ERC2: variants seen among roughly 807,000 people sequenced by gnomAD.
The protein encoded by ERC2 is ELKS/RAB6-interacting/CAST family member 2.
ERC2 carries 42 observed loss-of-function variants against 114.8 expected under a neutral mutation model. The ratio of observed to expected loss-of-function variants is 0.37; its 90% CI spans 0.29 to 0.47. The LOEUF is 0.47. ERC2 is among the 20% of genes least tolerant of loss of function. The probability of loss-of-function intolerance (pLI) is 0.99; values close to 1 mark genes in which losing one functional copy is unlikely to be tolerated. For missense variants in ERC2, 939 were observed against 1,150.7 expected, an observed-to-expected ratio of 0.82 and a Z score of 2.66; for synonymous variants, 454 against 425.5, an observed-to-expected ratio of 1.07 and a Z score of -0.82.
intron 3 of ERC2, among the ~76,000 whole-genome samples, chr3:56,218,751 A>G (rs2049683980): frequency 6.6e-6 from 1 of 152,190 alleles, no homozygotes; most frequent in South Asian, 2.1e-4. Flanking sequence ...AATGTCCAAC[A>G]ATGATAGACT....
chr3:56,349,419 C>T (rs2150521368), intron 2 of ERC2, among the ~76,000 whole-genome samples: 1 of 152,360 alleles, frequency 6.6e-6, no homozygotes, highest in East Asian at 1.9e-4. Context: ...GACACGCTGG[C>T]TCTATAATTA....
intron 15 of ERC2, among the ~76,000 whole-genome samples, chr3:55,718,579 T>C (rs1480661648): frequency 2.0e-5 from 3 of 152,152 alleles, no homozygotes; most frequent in African/African-American, 7.2e-5. Context: ...GTGGGTGACC[T>C]GGTAAAGGAA....
chr3:56,105,904 A>C (rs2078630897), intron 6 of ERC2, among the ~76,000 whole-genome samples: 1 of 152,202 alleles, frequency 6.6e-6, no homozygotes, highest in Non-Finnish European at 1.5e-5. Context: ...GGTCAATCAG[A>C]CACAAGCTGT....
chr3:55,743,413 G>A (rs1045951799), intron 14 of ERC2, among the ~76,000 whole-genome samples: 2 of 152,064 alleles, frequency 1.3e-5, no homozygotes, highest in East Asian at 1.9e-4. Flanking sequence ...ACATAGAAAA[G>A]GTCCAAGGCC....
At chr3:56,298,587 T>A (rs1187234322) in intron 2 of ERC2, among the ~76,000 whole-genome samples, 1 of 152,048 alleles carries the variant, frequency 6.6e-6, no homozygotes, top group East Asian at 1.9e-4. Context: ...CTGAAAACAT[T>A]ATGCCATGTG....
At chr3:56,041,123 A>T (rs1242657696) in intron 7 of ERC2, among the ~76,000 whole-genome samples, 1 of 152,110 alleles carries the variant, frequency 6.6e-6, no homozygotes, top group African/African-American at 2.4e-5. Flanking sequence ...GTTTCTTGGT[A>T]TAATGGGTTA....
chr3:56,236,058 A>G (rs2050922795), intron 3 of ERC2, among the ~76,000 whole-genome samples: 1 of 152,224 alleles, frequency 6.6e-6, no homozygotes, highest in Non-Finnish European at 1.5e-5. Context: ...AGATGTGATA[A>G]TCTTAGTTGA....
rs138778988 is a variant in ERC2 at position 56,135,110 on chromosome 3, G to T, written c.1473+4399C>A. Among the ~76,000 whole-genome samples, 999 of 151,880 alleles carry T rather than the reference G, an allele frequency of 6.6e-3. 12 individuals are homozygous for T. Among genetic ancestry groups the T allele is most frequent in the African/African-American group, 0.023 (947 of 41,400 alleles). On this transcript the variant is annotated intron_variant, in intron 6 of 17. Coordinates refer to ENST00000288221, the MANE Select transcript of ERC2 (RefSeq NM_015576.3). Reference sequence around the variant, plus strand: ...TGGGACTACAGGCCCGTACCACCACGTCCAGCTAATTTTTGTATTATTAGT... The same window carrying T: ...TGGGACTACAGGCCCGTACCACCACTTCCAGCTAATTTTTGTATTATTAGT...
At chr3:55,819,134 G>A (rs2060017300) in intron 14 of ERC2, among the ~76,000 whole-genome samples, 1 of 152,168 alleles carries the variant, frequency 6.6e-6, no homozygotes, top group Non-Finnish European at 1.5e-5. Flanking sequence ...TGCCAGAAAT[G>A]CCATGGGCAC....
Position 55,696,834 on chromosome 3 carries a change from C to T in ERC2, c.2847+2544G>A, listed in dbSNP as rs546063932. Among the ~76,000 whole-genome samples the T allele has an allele frequency of 2.0e-5, 3 of 152,276 alleles. No homozygotes were observed. In the South Asian group the frequency reaches 6.2e-4, roughly 32 times the overall value. On this transcript the variant is annotated intron_variant, in intron 16 of 17. Transcript: ENST00000288221. ...GATATAGCCATCTCCAGCACTGGTG[C>T]CAACCTACTCTCACACTAGGGTTCC... is the stretch of plus-strand genomic sequence containing the variant.
chr3:55,752,908 C>G (rs943182371), intron 14 of ERC2, among the ~76,000 whole-genome samples: 1 of 152,180 alleles, frequency 6.6e-6, no homozygotes, highest in Non-Finnish European at 1.5e-5. Flanking sequence ...AGGACCACCC[C>G]CTCAGTCACA....
chr3:55,985,490 C>T (rs2070538558), intron 12 of ERC2, among the ~76,000 whole-genome samples: 1 of 152,132 alleles, frequency 6.6e-6, no homozygotes, highest in Admixed American at 6.5e-5. Flanking sequence ...ACTTTTTAAA[C>T]AGTATTATAC....
At chr3:55,982,341 C>A (rs1285795439) in intron 12 of ERC2, among the ~76,000 whole-genome samples, 1 of 152,014 alleles carries the variant, frequency 6.6e-6, no homozygotes, top group Non-Finnish European at 1.5e-5. Flanking sequence ...AAAACCAATG[C>A]CTTTTCTTAC....
chr3:55,515,509 G>C (rs879691942), intron 17 of ERC2, among the ~76,000 whole-genome samples: 2 of 151,640 alleles, frequency 1.3e-5, no homozygotes, highest in South Asian at 4.1e-4. Context: ...CTGGGACTAC[G>C]GGCATGAGCC....
chr3:56,260,661 A>G (rs974812918), intron 3 of ERC2, among the ~76,000 whole-genome samples: 5 of 152,030 alleles, frequency 3.3e-5, no homozygotes, highest in African/African-American at 7.2e-5. Flanking sequence ...TGTGTTATTA[A>G]CCGCTATGCT....
chr3:56,363,947 TA>T (rs1471010466), intron 2 of ERC2, among the ~76,000 whole-genome samples: 1 of 151,850 alleles, frequency 6.6e-6, no homozygotes, highest in African/African-American at 2.4e-5. Flanking sequence ...GAATGGAGAA[TA>T]AAAAACTTTA....
At chr3:55,825,047 T>G (rs2060272685) in intron 14 of ERC2, among the ~76,000 whole-genome samples, 1 of 152,224 alleles carries the variant, frequency 6.6e-6, no homozygotes, top group Non-Finnish European at 1.5e-5. Flanking sequence ...ACCATTTTTT[T>G]TATCATGATG....
At chr3:56,305,512 CCACA>C (rs58751787) in intron 2 of ERC2, among the ~76,000 whole-genome samples, 47,180 of 144,110 alleles carry the variant, frequency 0.33, 7,938 homozygotes, top group East Asian at 0.55. Flanking sequence ...ACTCTCTTAT[CCACA>C]CACACACACA....
intron 17 of ERC2, among the ~76,000 whole-genome samples, chr3:55,609,686 G>A (rs575795421): frequency 6.6e-6 from 1 of 152,036 alleles, no homozygotes; most frequent in Non-Finnish European, 1.5e-5. Flanking sequence ...CTGTGGCTCC[G>A]AGGCCTGCCT....
Sources: allele counts gnomAD v4.1 joint callset (sites outside exome capture counted in the v4.1 genomes callset), GRCh38; gene constraint gnomAD v4.1.1; transcripts MANE v1.5; gene names NCBI Gene and HGNC (gene_info 2026-07-23, HGNC 2026-07-21).